LIPJ: variants seen among roughly 807,000 people sequenced by gnomAD.
LIPJ encodes lipase family member J, also known as lipase member J.
A neutral mutation model predicts 39.8 loss-of-function variants in LIPJ; 33 were observed. The observed-to-expected ratio is 0.83, with a 90% CI of 0.63 to 1.11. The LOEUF (loss-of-function observed/expected upper bound fraction) is 1.11. LIPJ is among the 50% of genes least tolerant of loss of function. LIPJ has a pLI of 0.00. For missense variants in LIPJ, 422 were observed against 427.9 expected (o/e 0.99, Z 0.12); for synonymous variants, 128 against 139.2 (o/e 0.92, Z 0.57).
exon 11 of LIPJ, chr10:88,606,881 A>G (rs1220646259): frequency 6.3e-7 from 1 of 1,581,956 alleles, no homozygotes; most frequent in South Asian, 1.2e-5. Context: ...CCATGAAATC[A>G]TTGATATTAT....
At chr10:88,600,280 T>A (rs989384311) in intron 8 of LIPJ, among the ~76,000 whole-genome samples, 1 of 152,162 alleles carries the variant, frequency 6.6e-6, no homozygotes, top group Non-Finnish European at 1.5e-5. Context: ...CACTTGACAG[T>A]GGCCAACATC....
intron 7 of LIPJ, 134 bp from the exon 8 acceptor site, chr10:88,596,655 GT>G: frequency 2.1e-6 from 2 of 954,946 alleles, no homozygotes; most frequent in Non-Finnish European, 3.1e-6. Flanking sequence ...CTGCTTCCAA[GT>G]TTTTTCCTTT....
chr10:88,609,433 A>C (rs1173790377), downstream of LIPJ, among the ~76,000 whole-genome samples: 2 of 152,230 alleles, frequency 1.3e-5, no homozygotes, highest in Non-Finnish European at 2.9e-5. Flanking sequence ...TCCTTCAAAG[A>C]AGGCAAATAT....
chr10:88,607,379 A>G (rs1298161733), downstream of LIPJ, among the ~76,000 whole-genome samples: 1 of 152,170 alleles, frequency 6.6e-6, no homozygotes, highest in African/African-American at 2.4e-5. Context: ...TGCCAATGTA[A>G]TATTGCTTGC....
chr10:88,599,958 T>C (rs1293899969), intron 8 of LIPJ, among the ~76,000 whole-genome samples: 4 of 151,982 alleles, frequency 2.6e-5, no homozygotes. Context: ...TCCTATCTGG[T>C]ATTCTTTTTA....
downstream of LIPJ, among the ~76,000 whole-genome samples, chr10:88,611,337 G>A (rs181779662): frequency 6.6e-6 from 1 of 152,194 alleles, no homozygotes; most frequent in East Asian, 1.9e-4. Flanking sequence ...AACAATTCTG[G>A]TAATATGACA....
intron 2 of LIPJ, among the ~76,000 whole-genome samples, chr10:88,588,815 A>G (rs1850993976): frequency 6.6e-6 from 1 of 151,956 alleles, no homozygotes; most frequent in African/African-American, 2.4e-5. Flanking sequence ...CAATGGCCAC[A>G]TTCTAGACTT....
chr10:88,617,919 T>C, the LIPJ span, among the ~76,000 whole-genome samples: 1 of 152,232 alleles, frequency 6.6e-6, no homozygotes, highest in Admixed American at 6.5e-5. Context: ...TACTTTGGAA[T>C]AAATTTGATG....
chr10:88,596,458 G>T, intron 7 of LIPJ, 42 bp downstream of exon 7: 1 of 1,435,840 alleles, frequency 7.0e-7, no homozygotes, highest in Non-Finnish European at 9.2e-7. Context: ...AACCCAAAGT[G>T]ATAATTTTAT....
rs145950092 is a variant in LIPJ, at chr10:88,603,720, A to G, written c.795+1073A>G. ...AAAAGGCTAATGATTATGAATGTAC[A>G]TTAAAGTTAATAAACACTAGGTAAC... On this transcript the variant is annotated intron_variant, in intron 9 of 10. Transcript: ENST00000371939. Among the ~76,000 whole-genome samples, 975 of 152,330 alleles carry G rather than the reference A, an allele frequency of 6.4e-3. 6 individuals are homozygous for G. The highest frequency in any genetic ancestry group is 0.027 in the Middle Eastern group (8 of 294).
chr10:88,593,163 C>T (rs1300754583), intron 4 of LIPJ: 1 of 151,860 alleles, frequency 6.6e-6, no homozygotes, highest in East Asian at 1.9e-4. Context: ...CAATGAACTT[C>T]CTGGTCTTCA....
chr10:88,596,764 G>A, intron 7 of LIPJ, 26 bp from the exon 8 acceptor site: 1 of 1,575,966 alleles, frequency 6.3e-7, no homozygotes, highest in Non-Finnish European at 8.7e-7. Context: ...TCATCCAAAT[G>A]TGGATAAAAT....
intron 10 of LIPJ, among the ~76,000 whole-genome samples, chr10:88,606,099 G>C (rs1851656817): frequency 6.6e-6 from 1 of 152,010 alleles, no homozygotes; most frequent in Non-Finnish European, 1.5e-5. Flanking sequence ...TAATAATTAG[G>C]AAAAATTAGA....
upstream of LIPJ, chr10:88,583,939 C>A: frequency 6.1e-6 from 1 of 164,778 alleles, no homozygotes; most frequent in Non-Finnish European, 1.3e-5. Flanking sequence ...AGGATTGGTG[C>A]CATTGCCGTT....
chr10:88,610,352 T>C (rs996268826), downstream of LIPJ, among the ~76,000 whole-genome samples: 6 of 152,164 alleles, frequency 3.9e-5, no homozygotes, highest in South Asian at 1.0e-3. Flanking sequence ...GCGTCATCAA[T>C]TGCAAAATGA....
At chr10:88,618,246 T>C in the LIPJ span, 1 of 152,260 alleles carries the variant, frequency 6.6e-6, no homozygotes. Context: ...ATAAGCCTAT[T>C]GATCTAGCCT....
intron 8 of LIPJ, among the ~76,000 whole-genome samples, chr10:88,598,989 A>ATATATATTATATTAT (rs1851363618): frequency 7.0e-6 from 1 of 143,546 alleles, no homozygotes; most frequent in African/African-American, 2.5e-5. Flanking sequence ...CAATAATATA[A>ATATATATTATATTAT]AATATTATAT....
At chr10:88,599,963 T>C (rs1851417397) in intron 8 of LIPJ, among the ~76,000 whole-genome samples, 2 of 152,088 alleles carry the variant, frequency 1.3e-5, no homozygotes, top group South Asian at 4.1e-4. Context: ...TCTGGTATTC[T>C]TTTTATTTCA....
intron 3 of LIPJ, 94 bp downstream of exon 3, chr10:88,590,790 C>T (rs41306844): frequency 0.015 from 13,006 of 854,080 alleles, 395 homozygotes; most frequent in South Asian, 0.081. Flanking sequence ...TACAGTCAAA[C>T]GTATACATCT....
Sources: gnomAD v4.1 joint callset for allele counts (sites outside exome capture counted in the v4.1 genomes callset) on GRCh38, gnomAD v4.1.1 for gene constraint, MANE v1.5 for transcripts, NCBI Gene and HGNC (gene_info 2026-07-23, HGNC 2026-07-21) for gene names.